Variants in VWF observed in about 807,000 individuals in gnomAD.
VWF encodes the protein Factor VIII related antigen.
In VWF, 176 loss-of-function variants were observed where a neutral mutation model predicts 308.6. That is an observed-to-expected ratio of 0.57 (90% CI 0.50 to 0.65). VWF has a LOEUF of 0.65. Ranked by LOEUF, VWF falls within the 30% of genes least tolerant of loss-of-function variation. The pLI, the probability that VWF is intolerant of heterozygous loss-of-function variation, is 0.00. For synonymous variants in VWF, 1,385 were observed against 1,443.4 expected, an observed-to-expected ratio of 0.96 and a Z score of 0.92; for missense variants, 3,146 against 3,648.2, an observed-to-expected ratio of 0.86 and a Z score of 3.55.
rs760382496 is a variant in VWF at position 6,019,674 on chromosome 12, T to C, written c.3744A>G (p.Thr1248=). ...GAGTGGTGGGGCTCACCGGGGCATC[T>C]GTGGGAGGCACCACCAGGCCTCCCG... ...QEPGGLVVPP[T]DAPVSPTTLY... is the part of the protein sequence containing the mutation. The change falls in exon 28 of 52, where the codon ACA becomes ACG. Residue 1248 remains threonine (T), a synonymous_variant. Coordinates refer to ENST00000261405, the MANE Select transcript of VWF (RefSeq NM_000552.5). This position sits in a 1 kb window ranked among gnomAD's most constrained non-coding sequence, Gnocchi z 5.8. 1 of 1,613,748 alleles carries C rather than the reference T, an allele frequency of 6.2e-7. No individual in the cohort carries two copies. The highest frequency in any genetic ancestry group is 1.7e-5 in the Admixed American group (1 of 60,000).
Position 6,019,396 on chromosome 12 carries a change from C to T in VWF, c.4022G>A (p.Arg1341Gln), listed in dbSNP as rs61749403. 2 of 1,613,944 alleles carry T rather than the reference C, an allele frequency of 1.2e-6. No homozygotes were observed. The highest frequency in any genetic ancestry group is 1.7e-6 in the Non-Finnish European group (2 of 1,179,864). ...ATACTTCACCTGGCTGGCAATGCGCCGCAGCTCTGACGGTCGCTTCCGGTC... is the reference window on the plus strand; with the variant it reads ...ATACTTCACCTGGCTGGCAATGCGCTGCAGCTCTGACGGTCGCTTCCGGTC... The part of the protein sequence containing the change: ...LKDRKRPSEL[R>Q]RIASQVKYAG... Residue 1341 changes from arginine (R) to glutamine (Q), a missense_variant, in exon 28 of 52, where the codon CGG becomes CAG. Arg to Gln is a conservative substitution (Grantham distance 43). Coordinates refer to ENST00000261405, the MANE Select transcript of VWF (RefSeq NM_000552.5). The surrounding 1 kb of genome is among the most constrained non-coding windows in gnomAD (Gnocchi z 5.8).
At chr12:6,071,799 C>T (rs1591899975) in intron 9 of VWF, among the ~76,000 whole-genome samples, 1 of 152,198 alleles carries the variant, frequency 6.6e-6, no homozygotes, top group Non-Finnish European at 1.5e-5. Flanking sequence ...GGGGACCAAA[C>T]GAGTTGTCCC....
chr12:6,016,123 T>C lies in VWF; in HGVS notation c.5421A>G (p.Ser1807=). The part of the protein sequence containing the change: ...VILVTDVSVD[S]VDAAADAARS... Reference sequence around the variant, plus strand: ...TGGCGGCATCAGCTGCTGCATCCACTGAATCCACAGAGACGTCCGTGACCA... The same window carrying C: ...TGGCGGCATCAGCTGCTGCATCCACCGAATCCACAGAGACGTCCGTGACCA... Residue 1807 remains serine (S), a synonymous_variant, in exon 31 of 52, where the codon TCA becomes TCG. Transcript: ENST00000261405. The C allele has an allele frequency of 6.2e-7, 1 of 1,614,202 alleles. No homozygotes were observed. Among genetic ancestry groups the C allele is most frequent in the Non-Finnish European group, 8.5e-7 (1 of 1,180,036 alleles).
At chr12:6,054,853 A>G (rs1565845929) in intron 15 of VWF, among the ~76,000 whole-genome samples, 1 of 152,212 alleles carries the variant, frequency 6.6e-6, no homozygotes, top group Non-Finnish European at 1.5e-5. Flanking sequence ...AGAAAGTGGA[A>G]GTGGGTAGAG....
Position 5,957,264 on chromosome 12 carries a change from G to C in VWF, c.7888-3670C>G, listed in dbSNP as rs568663781. On this transcript the variant is annotated intron_variant, in intron 47 of 51. Coordinates refer to ENST00000261405, the MANE Select transcript of VWF (RefSeq NM_000552.5). ...TGCACAACAAAAATCACCTAACGAT[G>C]CATTTCTTAGAACATATCCCCATTG... Among the ~76,000 whole-genome samples, 92 of 152,250 alleles carry C rather than the reference G, an allele frequency of 6.0e-4. 1 individual carries two copies. Among genetic ancestry groups the C allele is most frequent in the Non-Finnish European group, 2.9e-4 (20 of 68,006 alleles).
intron 2 of VWF, among the ~76,000 whole-genome samples, chr12:6,122,486 C>G (rs1290426383): frequency 8.5e-5 from 13 of 152,144 alleles, no homozygotes; most frequent in Admixed American, 7.2e-4. Context: ...TCTGGGTTCC[C>G]CGGCAAAAGA....
intron 34 of VWF, among the ~76,000 whole-genome samples, chr12:5,998,485 AAAAAAAAAAAAAAATAT>A (rs1316194966): frequency 9.9e-5 from 6 of 60,318 alleles, no homozygotes; most frequent in South Asian, 6.8e-4. Flanking sequence ...AAAAAAAAAA[AAAAAAAAAAAAAAATAT>A]ATATATATAT....
At chr12:6,014,237 C>G (rs551105162) in intron 31 of VWF, among the ~76,000 whole-genome samples, 29 of 152,116 alleles carry the variant, frequency 1.9e-4, no homozygotes, top group Non-Finnish European at 3.4e-4. Context: ...GGGCATGGAT[C>G]AGGCAATGCT....
intron 38 of VWF, among the ~76,000 whole-genome samples, chr12:5,987,868 C>T (rs116186271): frequency 6.6e-6 from 1 of 152,262 alleles, no homozygotes; most frequent in East Asian, 1.9e-4. Context: ...CATAAGCTAA[C>T]CTTTGGGGGA....
Position 6,018,629 on chromosome 12 carries a change from G to A in VWF, c.4789C>T (p.Arg1597Trp), listed in dbSNP as rs61750117. 1 of 1,614,028 alleles carries A rather than the reference G, an allele frequency of 6.2e-7. No homozygotes were observed. The stretch of plus-strand genomic sequence containing the variant: ...TAGACCAGGTTGGGCGCCTGCTCCC[G>A]GTCACCCTGGCTGACCAAGAAGCTG... ...DHSFLVSQGD[R>W]EQAPNLVYMV... Residue 1597 changes from arginine (R) to tryptophan (W), a missense_variant, in exon 28 of 52, where the codon CGG becomes TGG. Around this residue, in one of 3 missense-constraint regions of VWF, gnomAD observed 853 missense variants for 1,177.8 expected, o/e 0.72. Coordinates refer to ENST00000261405, the MANE Select transcript of VWF (RefSeq NM_000552.5).
At chr12:6,100,281 T>C (rs940244818) in intron 5 of VWF, among the ~76,000 whole-genome samples, 1 of 149,242 alleles carries the variant, frequency 6.7e-6, no homozygotes, top group African/African-American at 2.5e-5. Context: ...GGAACACTTT[T>C]ACACTGTTGG....
In VWF at chr12:6,019,433, T is replaced by C. The variant is rs757866123; in HGVS notation, c.3985A>G (p.Ile1329Val). The C allele has an allele frequency of 2.5e-5, 41 of 1,613,790 alleles. No individual in the cohort carries two copies. The highest frequency in any genetic ancestry group is 3.3e-5 in the South Asian group (3 of 91,076). The stretch of plus-strand genomic sequence containing the variant: ...GGTCGCTTCCGGTCCTTGAGCCCGA[T>C]GTAGGCGTGGGAGCCGTCGTGGTAC... ...VEYHDGSHAYIGLKDRKRPSE... is the reference protein window; with the variant it reads ...VEYHDGSHAYVGLKDRKRPSE... The change falls in exon 28 of 52, where the codon ATC becomes GTC. Residue 1329 changes from isoleucine to valine, a missense_variant. This residue lies in a region of VWF where 853 missense variants were observed against 1,177.8 expected (regional missense o/e 0.72). Coordinates refer to ENST00000261405, the MANE Select transcript of VWF (RefSeq NM_000552.5). The surrounding 1 kb of genome is among the most constrained non-coding windows in gnomAD (Gnocchi z 5.8).
At chr12:6,050,706 T>C (rs1944499173) in intron 16 of VWF, among the ~76,000 whole-genome samples, 1 of 152,226 alleles carries the variant, frequency 6.6e-6, no homozygotes, top group Admixed American at 6.5e-5. Flanking sequence ...ATGCCTATAA[T>C]CCCAGCACTC....
At chr12:6,111,784 A>T (rs1474353267) in intron 3 of VWF, among the ~76,000 whole-genome samples, 1 of 151,888 alleles carries the variant, frequency 6.6e-6, no homozygotes, top group Non-Finnish European at 1.5e-5. Flanking sequence ...CCCCGTCTCT[A>T]CTAAAAATAT....
At chr12:5,996,304 A>C (rs1943808404) in intron 34 of VWF, 82 bp from the exon 35 acceptor site, 5 of 1,252,594 alleles carry the variant, frequency 4.0e-6, no homozygotes, top group Non-Finnish European at 5.7e-6. Context: ...GGTGTGACCA[A>C]GTTGCACACA....
chr12:6,033,154 C>T (rs906029468), intron 20 of VWF, among the ~76,000 whole-genome samples: 4 of 152,140 alleles, frequency 2.6e-5, no homozygotes, highest in African/African-American at 7.2e-5. Flanking sequence ...TGTGTTAGGT[C>T]GATGCATGGC....
chr12:6,071,364 A>G, intron 9 of VWF, 21 bp from the exon 10 acceptor site: 1 of 1,614,032 alleles, frequency 6.2e-7, no homozygotes, highest in Non-Finnish European at 8.5e-7. Context: ...GAAAAAGCAC[A>G]GGTCATTGGT....
chr12:6,007,466 G>T (rs1424865673), intron 34 of VWF, among the ~76,000 whole-genome samples: 1 of 152,086 alleles, frequency 6.6e-6, no homozygotes, highest in African/African-American at 2.4e-5. Flanking sequence ...AAACACTCTT[G>T]AACAACCAAT....
In VWF at chr12:6,065,673, G is replaced by A. The variant is rs117752210; in HGVS notation, c.1157-400C>T. Among the ~76,000 whole-genome samples, 259 of 152,316 alleles carry A rather than the reference G, an allele frequency of 1.7e-3. 2 individuals carry two copies. The East Asian group carries it at 0.028, about 17-fold the overall frequency. ...ACACCAGCCTCAGACTGGTGCCAGC[G>A]GAATGCCTGGCCAGGGGGAGGCTGC... On this transcript the variant is annotated intron_variant, in intron 10 of 51. Transcript: ENST00000261405.
Sources: gnomAD v4.1 joint callset for allele counts (sites outside exome capture counted in the v4.1 genomes callset) on GRCh38, gnomAD v4.1.1 for gene constraint, gnomAD v4.1.1 regional missense constraint, Gnocchi (gnomAD v3.1) non-coding constraint, MANE v1.5 for transcripts, NCBI Gene and HGNC (gene_info 2026-07-23, HGNC 2026-07-21) for gene names.